RAB6B: variants seen among roughly 807,000 people sequenced by gnomAD.
RAB6B encodes ras-related protein Rab-6B.
In RAB6B, 7 loss-of-function variants were observed where a neutral mutation model predicts 31.2. That is an observed-to-expected ratio of 0.22 (90% CI 0.13 to 0.42). The LOEUF is 0.42. RAB6B is among the 10% of genes least tolerant of loss of function. The pLI is 1.00. For synonymous variants in RAB6B, 105 were observed against 104.9 expected, an observed-to-expected ratio of 1.00 and a Z score of -0.01; for missense variants, 149 against 280.6, an observed-to-expected ratio of 0.53 and a Z score of 3.35.
intron 2 of RAB6B, among the ~76,000 whole-genome samples, chr3:133,860,162 T>A (rs1576401627): frequency 6.6e-6 from 1 of 152,178 alleles, no homozygotes. Flanking sequence ...AGGGTATCCA[T>A]CCCCAAATTC....
chr3:133,856,527 T>C (rs1466324667), intron 2 of RAB6B, among the ~76,000 whole-genome samples: 2 of 152,148 alleles, frequency 1.3e-5, no homozygotes, highest in Admixed American at 6.5e-5. Flanking sequence ...TCATTACTCT[T>C]AGCCTCTAGA....
intron 1 of RAB6B, among the ~76,000 whole-genome samples, chr3:133,887,737 A>G (rs1374519830): frequency 2.6e-5 from 4 of 152,160 alleles, no homozygotes; most frequent in Admixed American, 1.3e-4. Flanking sequence ...TGGTATCTCC[A>G]AGCCAGAAGG....
chr3:133,889,418 A>T (rs1453763619), intron 1 of RAB6B, among the ~76,000 whole-genome samples: 8 of 59,288 alleles, frequency 1.3e-4, no homozygotes, highest in Non-Finnish European at 1.7e-4. Context: ...ATATATATAT[A>T]TATATATATA....
rs1253798090 is a variant in RAB6B at position 133,827,044 on chromosome 3, CTCT to C, written c.*1741_*1743del. 6.5e-6 allele frequency: 1 copy of C among 152,686 alleles called. No homozygotes were observed. Among genetic ancestry groups the C allele is most frequent in the African/African-American group, 2.4e-5 (1 of 41,464 alleles). The allele number at this position is 152,686 out of a possible 1,614,324, so 9.5% of individuals were successfully genotyped here. ...GGTGCTCAGTGGGATCCTGCTTCCT[CTCT>C]TCTTCACCTGAAGATAAATTCCTTG... On this transcript the variant is annotated 3_prime_UTR_variant, in exon 8 of 8. Coordinates refer to ENST00000285208, the MANE Select transcript of RAB6B (RefSeq NM_016577.4).
chr3:133,868,321 C>T (rs984165190), intron 1 of RAB6B, among the ~76,000 whole-genome samples: 1 of 152,202 alleles, frequency 6.6e-6, no homozygotes, highest in Non-Finnish European at 1.5e-5. Context: ...GAACCCATCC[C>T]GAGCCACCTG....
At chr3:133,866,796 AAC>A (rs148254868) in intron 1 of RAB6B, among the ~76,000 whole-genome samples, 20,399 of 152,274 alleles carry the variant, frequency 0.13, 1,807 homozygotes, top group Admixed American at 0.24. Context: ...CATTGGGGAA[AAC>A]ACAGCATCCT....
intron 1 of RAB6B, chr3:133,885,801 A>C: frequency 1.7e-6 from 1 of 590,022 alleles, no homozygotes; most frequent in Non-Finnish European, 3.0e-6. Flanking sequence ...TTCTAAGAGA[A>C]AGAATCAAGA....
chr3:133,872,690 T>C (rs1394095526), intron 1 of RAB6B, among the ~76,000 whole-genome samples: 52 of 152,228 alleles, frequency 3.4e-4, no homozygotes, highest in Non-Finnish European at 1.5e-5. Context: ...ACTAGAGCCC[T>C]GAGGGGCTGG....
In RAB6B at chr3:133,841,269, G is replaced by A; in HGVS notation, c.289+16C>T. 1 of 1,613,494 alleles carries A rather than the reference G, an allele frequency of 6.2e-7. No homozygotes were observed. The highest frequency in any genetic ancestry group is 8.5e-7 in the Non-Finnish European group (1 of 1,179,448). The stretch of plus-strand genomic sequence containing the variant: ...CCCTATGAGCCACCCTCCCTTAGGA[G>A]CAGAGCCTCACTCACTTGTGATGTC... On this transcript the variant is annotated intron_variant, in intron 4 of 7. Transcript: ENST00000285208.
At chr3:133,875,177 C>G (rs1936374633) in intron 1 of RAB6B, among the ~76,000 whole-genome samples, 1 of 152,164 alleles carries the variant, frequency 6.6e-6, no homozygotes, top group African/African-American at 2.4e-5. Flanking sequence ...CTGTCGTTAA[C>G]CAAAACATTG....
At chr3:133,830,348 G>A (rs1462229782) in intron 7 of RAB6B, among the ~76,000 whole-genome samples, 2 of 152,200 alleles carry the variant, frequency 1.3e-5, no homozygotes, top group Non-Finnish European at 2.9e-5. Flanking sequence ...AAGTGTCCAC[G>A]GATTTCTCAC....
chr3:133,866,833 T>C (rs566646705), intron 1 of RAB6B, among the ~76,000 whole-genome samples: 6 of 152,340 alleles, frequency 3.9e-5, no homozygotes, highest in African/African-American at 1.4e-4. Context: ...AGTGGAAAGT[T>C]ACTGCCTCCT....
intron 1 of RAB6B, among the ~76,000 whole-genome samples, chr3:133,884,777 C>T (rs1038604761): frequency 6.6e-6 from 1 of 151,574 alleles, no homozygotes; most frequent in African/African-American, 2.4e-5. Flanking sequence ...GCCCAAAGGA[C>T]AGGGGGCCCC....
intron 7 of RAB6B, among the ~76,000 whole-genome samples, chr3:133,832,359 C>T (rs2715607): frequency 0.81 from 123,393 of 151,854 alleles, 51,066 homozygotes; most frequent in African/African-American, 0.95. Context: ...CCTCCTGTCT[C>T]GAACGTGAAG....
intron 2 of RAB6B, among the ~76,000 whole-genome samples, chr3:133,851,531 C>T (rs1289608218): frequency 2.6e-5 from 4 of 152,142 alleles, no homozygotes; most frequent in African/African-American, 9.7e-5. Flanking sequence ...AAGGCCTAGA[C>T]AGGCAAAGAG....
At chr3:133,847,659 A>G (rs1023532466) in intron 2 of RAB6B, among the ~76,000 whole-genome samples, 2 of 152,098 alleles carry the variant, frequency 1.3e-5, no homozygotes, top group African/African-American at 4.8e-5. Context: ...CATTTCCTCT[A>G]TGCCCACCCA....
intron 7 of RAB6B, among the ~76,000 whole-genome samples, chr3:133,829,784 T>C (rs936142533): frequency 6.6e-6 from 1 of 152,224 alleles, no homozygotes; most frequent in African/African-American, 2.4e-5. Context: ...TCACATTCTC[T>C]TTCCTTGCCT....
intron 7 of RAB6B, among the ~76,000 whole-genome samples, chr3:133,833,066 C>A (rs186937908): frequency 9.8e-5 from 15 of 152,328 alleles, no homozygotes; most frequent in Admixed American, 9.1e-4. Context: ...TGCAACCCTT[C>A]CCCTTGCTGG....
intron 1 of RAB6B, among the ~76,000 whole-genome samples, chr3:133,879,975 AT>A (rs1281108863): frequency 6.6e-6 from 1 of 152,142 alleles, no homozygotes; most frequent in African/African-American, 2.4e-5. Context: ...GTCTATTTCA[AT>A]TGGTTTGAGG....
Sources: allele counts gnomAD v4.1 joint callset (sites outside exome capture counted in the v4.1 genomes callset), GRCh38; gene constraint gnomAD v4.1.1; transcripts MANE v1.5; gene names NCBI Gene and HGNC (gene_info 2026-07-23, HGNC 2026-07-21).